The following PPFIA1 variants were observed in gnomAD, a reference collection of about 807,000 sequenced individuals.
PPFIA1 encodes the protein liprin-alpha-1.
Under a neutral mutation model 149.9 loss-of-function variants are expected in PPFIA1, and 25 were observed. That is an observed-to-expected ratio of 0.17 (90% CI 0.12 to 0.23). PPFIA1 has a LOEUF of 0.23. PPFIA1 is among the 10% of genes least tolerant of loss of function. PPFIA1 has a pLI of 1.00. For missense variants in PPFIA1, 1,362 were observed against 1,506.5 expected (o/e 0.90, Z 1.59); for synonymous variants, 549 against 552.8 (o/e 0.99, Z 0.10).
chr11:70,277,306 C>T (rs2050469705), intron 2 of PPFIA1, among the ~76,000 whole-genome samples: 1 of 151,720 alleles, frequency 6.6e-6, no homozygotes, highest in Non-Finnish European at 1.5e-5. Context: ...TGAGCCACTA[C>T]ACGCTTTTAG....
At chr11:70,351,504 A>G (rs892294432) in intron 16 of PPFIA1, among the ~76,000 whole-genome samples, 1 of 152,120 alleles carries the variant, frequency 6.6e-6, no homozygotes, top group Non-Finnish European at 1.5e-5. Flanking sequence ...GATTTGTTTA[A>G]ATTTTGAAAT....
At chr11:70,275,416 T>C (rs2050325163) in intron 2 of PPFIA1, among the ~76,000 whole-genome samples, 2 of 152,234 alleles carry the variant, frequency 1.3e-5, no homozygotes, top group East Asian at 1.9e-4. Flanking sequence ...TTTTGATACA[T>C]AGAAGTGTAA....
chr11:70,293,956 T>TC (rs1357245558), intron 2 of PPFIA1, among the ~76,000 whole-genome samples: 94 of 151,002 alleles, frequency 6.2e-4, no homozygotes, highest in African/African-American at 2.3e-3. Flanking sequence ...TTTTTTTTTT[T>TC]TTTGACAGGG....
At chr11:70,365,196 GA>G (rs1212660061) in intron 21 of PPFIA1, 1 of 240,140 alleles carries the variant, frequency 4.2e-6, no homozygotes, top group African/African-American at 2.3e-5. Context: ...TGGTGTTGAC[GA>G]CCCAGTGTTA....
intron 2 of PPFIA1, among the ~76,000 whole-genome samples, chr11:70,309,212 C>T (rs1215821642): frequency 6.6e-6 from 1 of 152,050 alleles, no homozygotes; most frequent in Non-Finnish European, 1.5e-5. Context: ...CTCTGTCACC[C>T]AGGCTGGAGT....
At chr11:70,367,356 A>C (rs2056993072) in intron 21 of PPFIA1, 1 of 360,612 alleles carries the variant, frequency 2.8e-6, no homozygotes, top group Admixed American at 3.4e-5. Flanking sequence ...GGAGGAAGAC[A>C]TCAAGGCGTG....
intron 18 of PPFIA1, 62 bp downstream of exon 18, chr11:70,355,873 G>A: frequency 5.8e-6 from 9 of 1,547,310 alleles, no homozygotes; most frequent in Non-Finnish European, 7.9e-6. Flanking sequence ...CACTGCCTTC[G>A]GTGCCATCAG....
chr11:70,326,680 G>T lies in PPFIA1; in HGVS notation c.792G>T (p.Arg264Ser), dbSNP rs758563039. 1.9e-6 allele frequency: 3 copies of T among 1,614,124 alleles called. No homozygotes were observed. In the South Asian group the frequency reaches 3.3e-5, roughly 18 times the overall value. The part of the protein sequence containing the change: ...ELQEIISKQS[R>S]EQSQMKERLA... Reference sequence around the variant, plus strand: ...AAGAAATCATAAGTAAGCAGTCAAGGGAACAGAGCCAAATGAAAGAACGCC... The same window carrying T: ...AAGAAATCATAAGTAAGCAGTCAAGTGAACAGAGCCAAATGAAAGAACGCC... Residue 264 changes from arginine to serine, a missense_variant, in exon 7 of 28, where the codon AGG (arginine) becomes AGT (serine). Transcript: ENST00000253925.
chr11:70,339,118 G>T (rs1039173921), intron 13 of PPFIA1, 53 bp from the exon 14 acceptor site: 17 of 1,600,740 alleles, frequency 1.1e-5, no homozygotes, highest in African/African-American at 1.3e-5. Context: ...AACTAAAAGA[G>T]AGTTTATTTT....
chr11:70,291,756 A>G (rs1478377405), intron 2 of PPFIA1, among the ~76,000 whole-genome samples: 1 of 150,032 alleles, frequency 6.7e-6, no homozygotes, highest in African/African-American at 2.5e-5. Flanking sequence ...CACAGCCTCC[A>G]CCTCTCTGGG....
chr11:70,276,499 A>G (rs1429389779), intron 2 of PPFIA1, among the ~76,000 whole-genome samples: 1 of 152,034 alleles, frequency 6.6e-6, no homozygotes, highest in Non-Finnish European at 1.5e-5. Context: ...TTCCTTCAGT[A>G]CCCTTGTTGG....
intron 15 of PPFIA1, among the ~76,000 whole-genome samples, chr11:70,345,418 G>A (rs1033519219): frequency 3.3e-5 from 5 of 151,962 alleles, no homozygotes; most frequent in Admixed American, 1.3e-4. Flanking sequence ...GGAAGGAGAA[G>A]GAGCACATGG....
At chr11:70,288,069 CT>C (rs56261744) in intron 2 of PPFIA1, among the ~76,000 whole-genome samples, 30,607 of 137,930 alleles carry the variant, frequency 0.22, 4,532 homozygotes, top group African/African-American at 0.49. Flanking sequence ...CTCACCTCTG[CT>C]TTTTTTTTTT....
At chr11:70,339,107 T>C (rs1193453126) in intron 13 of PPFIA1, 64 bp from the exon 14 acceptor site, 1 of 1,589,406 alleles carries the variant, frequency 6.3e-7, no homozygotes, top group Admixed American at 1.7e-5. Flanking sequence ...GATTCTGCCT[T>C]AACTAAAAGA....
chr11:70,297,286 G>A (rs142256705), intron 2 of PPFIA1, among the ~76,000 whole-genome samples: 105 of 152,228 alleles, frequency 6.9e-4, no homozygotes, highest in African/African-American at 2.4e-3. Context: ...GTGCGTGCTT[G>A]TAGTCCCAGC....
rs771764305 is a variant in PPFIA1, at chr11:70,294,932, GAC to G, written c.264+22498_264+22499del. On this transcript the variant is annotated intron_variant, in intron 2 of 27. Coordinates refer to ENST00000253925, the MANE Select transcript of PPFIA1 (RefSeq NM_003626.5). ...AATTTTTCTTAGTACAGAACAAAAT[GAC>G]AAGTCTCCCATGTCTACTTCTTTCC... 3.6e-3 allele frequency among the ~76,000 whole-genome samples: 554 copies of G among 151,888 alleles called. 2 individuals are homozygous for G. Among genetic ancestry groups the G allele is most frequent in the Non-Finnish European group, 5.9e-3 (402 of 67,970 alleles).
chr11:70,319,557 C>A (rs1196334529), intron 2 of PPFIA1, among the ~76,000 whole-genome samples: 1 of 152,222 alleles, frequency 6.6e-6, no homozygotes, highest in Non-Finnish European at 1.5e-5. Context: ...AGCAGTGCTT[C>A]CAGCGACCTT....
chr11:70,342,640 G>T (rs2055404967), intron 14 of PPFIA1, among the ~76,000 whole-genome samples: 1 of 152,164 alleles, frequency 6.6e-6, no homozygotes, highest in African/African-American at 2.4e-5. Context: ...ACGCAGGTTG[G>T]TTAGAGGGAA....
chr11:70,372,903 A>G (rs923857712), intron 23 of PPFIA1, among the ~76,000 whole-genome samples: 2 of 152,220 alleles, frequency 1.3e-5, no homozygotes, highest in African/African-American at 4.8e-5. Context: ...ACTGTTAGAT[A>G]ACAACAGAGC....
Sources: gnomAD v4.1 joint callset for allele counts (sites outside exome capture counted in the v4.1 genomes callset) on GRCh38, gnomAD v4.1.1 for gene constraint, MANE v1.5 for transcripts, NCBI Gene and HGNC (gene_info 2026-07-23, HGNC 2026-07-21) for gene names.